The following ANKRD24 variants were observed in gnomAD, a reference collection of about 807,000 sequenced individuals.
The protein encoded by ANKRD24 is ankyrin repeat domain-containing protein 24.
ANKRD24 carries 109 observed loss-of-function variants against 127.8 expected under a neutral mutation model. That is an observed-to-expected ratio of 0.85 (90% confidence interval 0.73 to 1.00). ANKRD24 has a LOEUF of 1.00. Among genes scored for constraint, ANKRD24 ranks in the 50% least tolerant of loss-of-function variants. The pLI is 0.00. For missense variants in ANKRD24, 1,648 were observed against 1,570.2 expected (o/e 1.05, Z -0.84); for synonymous variants, 743 against 671.1 (o/e 1.11, Z -1.66).
At chr19:4,184,296 G>T (rs1029227096) in intron 1 of ANKRD24, among the ~76,000 whole-genome samples, 4 of 152,196 alleles carry the variant, frequency 2.6e-5, no homozygotes, top group African/African-American at 9.7e-5. Flanking sequence ...CGGGGCACTG[G>T]AGCTGCAGGA....
intron 2 of ANKRD24, among the ~76,000 whole-genome samples, chr19:4,197,316 GTGAA>G (rs539982524): frequency 2.6e-4 from 40 of 152,060 alleles, no homozygotes; most frequent in Admixed American, 1.2e-3. Context: ...GAGGCAATGA[GTGAA>G]TGAATGAACG....
intron 15 of ANKRD24, 24 bp downstream of exon 15, chr19:4,212,722 C>G: frequency 6.5e-7 from 1 of 1,542,634 alleles, no homozygotes; most frequent in Non-Finnish European, 8.8e-7. Flanking sequence ...TGAGTCAGGG[C>G]TGGGCTGGGG....
chr19:4,208,970 C>A, intron 11 of ANKRD24, 169 bp downstream of exon 11: 2 of 599,380 alleles, frequency 3.3e-6, no homozygotes, highest in Non-Finnish European at 5.6e-6. Flanking sequence ...TGTGCTCAGC[C>A]TAACTCCCAG....
rs573649233 is a variant in ANKRD24 at position 4,193,845 on chromosome 19, G to GAGGGAGGGAGGGAAGGAAGGAAGGA, written c.37-5835_37-5834insGAGGGAGGGAAGGAAGGAAGGAAGG. ...GAGCGAGACTCCGTCGGGAGGGAGG[G>GAGGGAGGGAGGGAAGGAAGGAAGGA]AGGAAGGAAGGAAGGAAGGAAGGAA... On this transcript the variant is annotated intron_variant, in intron 2 of 21. Coordinates refer to ENST00000318934, the MANE Select transcript of ANKRD24 (RefSeq NM_001393985.1). Among the ~76,000 whole-genome samples the GAGGGAGGGAGGGAAGGAAGGAAGGA allele has an allele frequency of 3.4e-4, 14 of 40,598 alleles. 2 individuals carry two copies. The highest frequency in any genetic ancestry group is 1.0e-3 in the African/African-American group (8 of 7,784). 26.6% of individuals were successfully genotyped at this position (40,598 alleles called of 152,430 possible). A position where few individuals can be genotyped will look rare whatever the true frequency, so the allele number is the denominator to read the frequency against.
At chr19:4,204,682 G>C (rs73524616) in intron 7 of ANKRD24, among the ~76,000 whole-genome samples, 2 of 152,072 alleles carry the variant, frequency 1.3e-5, no homozygotes, top group Non-Finnish European at 2.9e-5. Context: ...TTTCGCTGAC[G>C]ACTCAAGAAA....
At chr19:4,194,024 C>T (rs1364926569) in intron 2 of ANKRD24, among the ~76,000 whole-genome samples, 1 of 151,596 alleles carries the variant, frequency 6.6e-6, no homozygotes, top group Non-Finnish European at 1.5e-5. Flanking sequence ...TCAGCTCTGC[C>T]ATTGCAGCCT....
intron 13 of ANKRD24, among the ~76,000 whole-genome samples, chr19:4,211,325 G>T (rs1032391523): frequency 7.2e-5 from 11 of 151,940 alleles, no homozygotes; most frequent in African/African-American, 2.7e-4. Flanking sequence ...AACCAGGTCT[G>T]CCCCATAAGA....
intron 2 of ANKRD24, among the ~76,000 whole-genome samples, chr19:4,196,909 G>A (rs1968777695): frequency 6.6e-6 from 1 of 152,194 alleles, no homozygotes; most frequent in African/African-American, 2.4e-5. Flanking sequence ...CTCTACCGGA[G>A]GAGCCGTGGG....
chr19:4,186,720 A>C lies in ANKRD24; in HGVS notation c.36+259A>C, dbSNP rs144461464. 8.0e-4 allele frequency among the ~76,000 whole-genome samples: 122 copies of C among 151,748 alleles called. No homozygotes were observed. The East Asian group carries it at 0.014, about 18-fold the overall frequency. ...AATCAGACCCTCCTAATTCCTCACAATTTGGCCCCAGTACCACCTCCCCGT... is the reference window on the plus strand; with the variant it reads ...AATCAGACCCTCCTAATTCCTCACACTTTGGCCCCAGTACCACCTCCCCGT... On this transcript the variant is annotated intron_variant, in intron 2 of 21. Transcript: ENST00000318934.
chr19:4,215,971 C>T lies in ANKRD24; in HGVS notation c.1198-7C>T, dbSNP rs754608368. 6.3e-6 allele frequency: 10 copies of T among 1,580,608 alleles called. No homozygotes were observed. The African/African-American group carries it at 1.1e-4, about 17-fold the overall frequency. On this transcript the variant is annotated splice_polypyrimidine_tract_variant and splice_region_variant and intron_variant, in intron 15 of 21. Transcript: ENST00000318934. ...ACCCCGAGCTGGACTCTGCTCCCTCCCCCCAGAACGAGCGGGAGAATACTA... is the reference window on the plus strand; with the variant it reads ...ACCCCGAGCTGGACTCTGCTCCCTCTCCCCAGAACGAGCGGGAGAATACTA...
Position 4,190,590 on chromosome 19 carries a change from G to A in ANKRD24, c.36+4129G>A, listed in dbSNP as rs549401449. On this transcript the variant is annotated intron_variant, in intron 2 of 21. Coordinates refer to ENST00000318934, the MANE Select transcript of ANKRD24 (RefSeq NM_001393985.1). The stretch of plus-strand genomic sequence containing the variant: ...AAATGCAAAAATTAGCCAGGCAGCC[G>A]GGCATGGTGGTGGGCACCTGTAATC... Among the ~76,000 whole-genome samples, 12 of 152,104 alleles carry A rather than the reference G, an allele frequency of 7.9e-5. No homozygotes were observed. In the South Asian group the frequency reaches 1.0e-3, roughly 13 times the overall value.
chr19:4,184,514 C>T (rs968974821), intron 1 of ANKRD24, among the ~76,000 whole-genome samples: 3 of 152,234 alleles, frequency 2.0e-5, no homozygotes, highest in Admixed American at 6.5e-5. Context: ...TCCTCCAAGG[C>T]AGGTGCTCAA....
chr19:4,222,857 C>G (rs1970516611), intron 20 of ANKRD24, 62 bp downstream of exon 20: 7 of 1,503,954 alleles, frequency 4.7e-6, no homozygotes, highest in Non-Finnish European at 6.3e-6. Context: ...AAATATTTAC[C>G]AATCAGCACA....
At chr19:4,219,894 C>A in intron 19 of ANKRD24, 136 bp downstream of exon 19, 2 of 1,053,474 alleles carry the variant, frequency 1.9e-6, no homozygotes, top group Non-Finnish European at 1.3e-6. Context: ...GGCTCAGAAA[C>A]GGAAGGGGAC....
At chr19:4,214,131 G>C in intron 15 of ANKRD24, among the ~76,000 whole-genome samples, 1 of 151,876 alleles carries the variant, frequency 6.6e-6, no homozygotes, top group East Asian at 1.9e-4. Flanking sequence ...GTCACACACA[G>C]ACAACATGCC....
chr19:4,182,810 G>C, intron 1 of ANKRD24, 70 bp downstream of exon 1: 1 of 906,388 alleles, frequency 1.1e-6, no homozygotes, highest in South Asian at 5.1e-5. Flanking sequence ...GCCTACGTGA[G>C]AGTTCTCCAG....
rs557597014 is a variant in ANKRD24 at position 4,195,513 on chromosome 19, G to A, written c.37-4170G>A. On this transcript the variant is annotated intron_variant, in intron 2 of 21. Transcript: ENST00000318934. The surrounding 1 kb of genome is among the most constrained non-coding windows in gnomAD (Gnocchi z 4.2). ...CTCCCCACCCCCAAGGGTGGAAGGA[G>A]AGAAGAGTTCCAAGGACACCCTCCT... Among the ~76,000 whole-genome samples, 2 of 152,300 alleles carry A rather than the reference G, an allele frequency of 1.3e-5. No homozygotes were observed. Among genetic ancestry groups the A allele is most frequent in the African/African-American group, 2.4e-5 (1 of 41,572 alleles).
At chr19:4,206,288 A>C (rs1969382435) in intron 7 of ANKRD24, among the ~76,000 whole-genome samples, 1 of 151,674 alleles carries the variant, frequency 6.6e-6, no homozygotes, top group African/African-American at 2.4e-5. Flanking sequence ...TGAACCTAGG[A>C]GTTTGAGACC....
At position 4,217,678 on chromosome 19, in the gene ANKRD24, G is replaced by A; in HGVS notation, c.2518G>A (p.Glu840Lys). The stretch of plus-strand genomic sequence containing the variant: ...CCTGCGGGCCGAGCTGGCCCAGCGG[G>A]AGGAGGCGCGGCTGGAGCAGAGCCG... Reference protein sequence around the residue: ...RGLRAELAQREEARLEQSREL... With the variant: ...RGLRAELAQRKEARLEQSREL... Residue 840 changes from glutamate (E) to lysine (K), a missense_variant, in exon 18 of 22, where the codon GAG (glutamate) becomes AAG (lysine). Transcript: ENST00000318934. The A allele has an allele frequency of 7.8e-7, 1 of 1,286,008 alleles. No homozygotes were observed. The highest frequency in any genetic ancestry group is 9.8e-7 in the Non-Finnish European group (1 of 1,020,714). The allele number at this position is 1,286,008 out of a possible 1,614,324, so 79.7% of individuals were successfully genotyped here.
Sources: allele counts gnomAD v4.1 joint callset (sites outside exome capture counted in the v4.1 genomes callset), GRCh38; gene constraint gnomAD v4.1.1; non-coding constraint Gnocchi (gnomAD v3.1); transcripts MANE v1.5; gene names NCBI Gene and HGNC (gene_info 2026-07-23, HGNC 2026-07-21).